Variants in PTPRG observed in about 807,000 individuals in gnomAD.
PTPRG encodes receptor-type tyrosine-protein phosphatase gamma.
A neutral mutation model predicts 165.3 loss-of-function variants in PTPRG; 102 were observed. The ratio of observed to expected loss-of-function variants is 0.62; its 90% CI spans 0.53 to 0.73. PTPRG has a LOEUF of 0.73. PTPRG is among the 30% of genes least tolerant of loss of function. The probability of loss-of-function intolerance (pLI) is 0.00; values close to 1 mark genes in which losing one functional copy is unlikely to be tolerated. For synonymous variants in PTPRG, 675 were observed against 669.5 expected (o/e 1.01, Z -0.13); for missense variants, 1,866 against 1,861.4 (o/e 1.00, Z -0.05).
Position 61,589,202 on chromosome 3 carries a change from T to C in PTPRG, c.85+26830T>C, listed in dbSNP as rs191945985. On this transcript the variant is annotated intron_variant, in intron 1 of 29. Transcript: ENST00000474889. Reference sequence around the variant, plus strand: ...TACCCATGCCCATATTTTATTGAAATAGCCGTATCTGTTTTTTTATGAACA... The same window carrying C: ...TACCCATGCCCATATTTTATTGAAACAGCCGTATCTGTTTTTTTATGAACA... 1.6e-4 allele frequency among the ~76,000 whole-genome samples: 24 copies of C among 152,332 alleles called. No individual in the cohort carries two copies. In the East Asian group the frequency reaches 4.6e-3, roughly 29 times the overall value.
At chr3:61,787,094 C>G (rs1194742408) in intron 2 of PTPRG, among the ~76,000 whole-genome samples, 1 of 151,924 alleles carries the variant, frequency 6.6e-6, no homozygotes, top group Non-Finnish European at 1.5e-5. Context: ...AAGCTGAATC[C>G]TTTGTGTGCC....
intron 2 of PTPRG, among the ~76,000 whole-genome samples, chr3:61,782,786 C>A (rs9849675): frequency 0.039 from 5,857 of 151,682 alleles, 288 homozygotes; most frequent in African/African-American, 0.12. Flanking sequence ...GGATGAGTAT[C>A]GTGTTTTGTT....
chr3:62,219,059 C>G lies in PTPRG; in HGVS notation c.2288+76C>G, dbSNP rs1433553794. The G allele has an allele frequency of 9.5e-5, 147 of 1,551,010 alleles. No homozygotes were observed. The highest frequency in any genetic ancestry group is 1.3e-4 in the Non-Finnish European group (144 of 1,140,512). Reference sequence around the variant, plus strand: ...GGTTTTGCTCACGGGAGGGGAATCCCACGGCCTCTGCATTCAGGAAGGTGA... The same window carrying G: ...GGTTTTGCTCACGGGAGGGGAATCCGACGGCCTCTGCATTCAGGAAGGTGA... On this transcript the variant is annotated intron_variant, in intron 13 of 29. Transcript: ENST00000474889. The surrounding 1 kb of genome is among the most constrained non-coding windows in gnomAD (Gnocchi z 4.5).
intron 2 of PTPRG, among the ~76,000 whole-genome samples, chr3:61,930,122 T>C (rs1480018142): frequency 1.3e-5 from 2 of 151,960 alleles, no homozygotes; most frequent in African/African-American, 4.8e-5. Context: ...AGTATAAGTA[T>C]TTATAGAGAA....
Position 61,756,199 on chromosome 3 carries a change from T to TA in PTPRG, c.190+7218dup, listed in dbSNP as rs576026447. Among the ~76,000 whole-genome samples the TA allele has an allele frequency of 2.6e-5, 4 of 152,360 alleles. No homozygotes were observed. The South Asian group carries it at 8.3e-4, about 32-fold the overall frequency. ...GTTATAGTGTTTTGTCTGCATTTCTTATGCCCTTTAGAGTTCATGCTCTTT... is the reference window on the plus strand; with the variant it reads ...GTTATAGTGTTTTGTCTGCATTTCTTAATGCCCTTTAGAGTTCATGCTCTTT... On this transcript the variant is annotated intron_variant, in intron 2 of 29. Transcript: ENST00000474889.
intron 1 of PTPRG, among the ~76,000 whole-genome samples, chr3:61,711,339 A>G (rs2031544696): frequency 1.3e-5 from 2 of 152,228 alleles, no homozygotes; most frequent in Admixed American, 1.3e-4. Context: ...TCCTTGAGTT[A>G]TCACAACACT....
Position 62,191,551 on chromosome 3 carries a change from T to C in PTPRG, c.1116T>C (p.Thr372=), listed in dbSNP as rs1576117094. The change falls in exon 9 of 30, where the codon ACT becomes ACC. Residue 372 remains threonine, a synonymous_variant. Coordinates refer to ENST00000474889, the MANE Select transcript of PTPRG (RefSeq NM_002841.4). ...AGGTGTCCTGGAGCCAGCCGGAGAC[T>C]ATCTACCACCCACCCATCATGAACT... The part of the protein sequence containing the change: ...ALQVSWSQPE[T]IYHPPIMNYM... 2 of 1,614,146 alleles carry C rather than the reference T, an allele frequency of 1.2e-6. No homozygotes were observed. Among genetic ancestry groups the C allele is most frequent in the Middle Eastern group, 1.6e-4 (1 of 6,062 alleles).
At chr3:62,289,500 CAAT>C (rs1244570229) in intron 28 of PTPRG, among the ~76,000 whole-genome samples, 2 of 151,948 alleles carry the variant, frequency 1.3e-5, no homozygotes, top group African/African-American at 4.8e-5. Flanking sequence ...GCAAAAATGA[CAAT>C]AAAAAGCTGT....
rs768781211 is a variant in PTPRG at position 62,203,344 on chromosome 3, G to A, written c.1549G>A (p.Ala517Thr). 13 of 1,613,142 alleles carry A rather than the reference G, an allele frequency of 8.1e-6. No homozygotes were observed. The highest frequency in any genetic ancestry group is 1.6e-4 in the Middle Eastern group (1 of 6,084). Residue 517 changes from alanine to threonine, a missense_variant, in exon 12 of 30, where the codon GCC (alanine) becomes ACC (threonine). By Grantham distance (58) the Ala-to-Thr change is moderately conservative. This residue lies in a region of PTPRG where 1,452 missense variants were observed against 1,463.0 expected (regional missense o/e 0.99). Coordinates refer to ENST00000474889, the MANE Select transcript of PTPRG (RefSeq NM_002841.4). The surrounding 1 kb of genome is among the most constrained non-coding windows in gnomAD (Gnocchi z 6.4). ...CTCGGTGGTCACCAGCACGCTGCTCGCCGGCCTGGGGTTCGGCGGTGGTGG... is the reference window on the plus strand; with the variant it reads ...CTCGGTGGTCACCAGCACGCTGCTCACCGGCCTGGGGTTCGGCGGTGGTGG... Reference protein sequence around the residue: ...VASVVTSTLLAGLGFGGGGIS... With the variant: ...VASVVTSTLLTGLGFGGGGIS...
chr3:61,953,621 G>A (rs936590224), intron 2 of PTPRG, among the ~76,000 whole-genome samples: 1 of 152,136 alleles, frequency 6.6e-6, no homozygotes, highest in African/African-American at 2.4e-5. Flanking sequence ...CACAGGCTGG[G>A]TTCCTTTCCT....
chr3:61,705,689 A>G (rs2106724484), intron 1 of PTPRG, among the ~76,000 whole-genome samples: 1 of 152,294 alleles, frequency 6.6e-6, no homozygotes, highest in South Asian at 2.1e-4. Flanking sequence ...ATGTCATCAT[A>G]GGCTGGTCCA....
At position 62,210,989 on chromosome 3, in the gene PTPRG, G is replaced by T. The variant is rs1264722386; in HGVS notation, c.2155+7039G>T. ...GATTAGCACCCCTAATGCCTATGTT[G>T]TTGGTGGGTTAACTGTATGCCCAAA... On this transcript the variant is annotated intron_variant, in intron 12 of 29. Transcript: ENST00000474889. The surrounding 1 kb of genome is among the most constrained non-coding windows in gnomAD (Gnocchi z 4.1). 6.6e-6 allele frequency among the ~76,000 whole-genome samples: 1 copy of T among 152,184 alleles called. No homozygotes were observed. Among genetic ancestry groups the T allele is most frequent in the East Asian group, 1.9e-4 (1 of 5,186 alleles).
intron 1 of PTPRG, among the ~76,000 whole-genome samples, chr3:61,646,322 G>T (rs1041172364): frequency 5.9e-5 from 9 of 152,172 alleles, no homozygotes; most frequent in Non-Finnish European, 2.9e-5. Flanking sequence ...TGTTGTCCAG[G>T]CTGGTCTCGA....
intron 2 of PTPRG, among the ~76,000 whole-genome samples, chr3:61,782,713 C>T (rs779545689): frequency 6.6e-6 from 1 of 152,122 alleles, no homozygotes; most frequent in Non-Finnish European, 1.5e-5. Context: ...ATTTTAGAAC[C>T]CTTCGTTTTA....
intron 2 of PTPRG, among the ~76,000 whole-genome samples, chr3:61,878,474 C>T (rs1389730775): frequency 6.6e-6 from 1 of 151,916 alleles, no homozygotes; most frequent in Non-Finnish European, 1.5e-5. Context: ...TGACATCTCC[C>T]CAGGTTGTTT....
intron 2 of PTPRG, among the ~76,000 whole-genome samples, chr3:61,864,581 G>T (rs796409447): frequency 1.3e-5 from 2 of 152,338 alleles, no homozygotes; most frequent in African/African-American, 2.4e-5. Flanking sequence ...AAACGATCAA[G>T]TTCAGCTTTG....
intron 4 of PTPRG, among the ~76,000 whole-genome samples, chr3:62,045,110 T>G (rs1008474502): frequency 6.6e-6 from 1 of 152,206 alleles, no homozygotes; most frequent in East Asian, 1.9e-4. Context: ...GAATGCTACC[T>G]TGTCTTAGCT....
chr3:62,196,019 A>T (rs1162592969), intron 10 of PTPRG, among the ~76,000 whole-genome samples: 1 of 150,088 alleles, frequency 6.7e-6, no homozygotes, highest in Non-Finnish European at 1.5e-5. Flanking sequence ...TGAACTCCTG[A>T]CTTCGTGATC....
rs960528258 is a variant in PTPRG at position 61,749,465 on chromosome 3, C to T, written c.190+483C>T. 6 of 247,646 alleles carry T rather than the reference C, an allele frequency of 2.4e-5. No individual in the cohort carries two copies. The South Asian group carries it at 2.6e-4, about 11-fold the overall frequency. 15.3% of individuals were successfully genotyped at this position (247,646 alleles called of 1,614,324 possible). The stretch of plus-strand genomic sequence containing the variant: ...TTTGAATATATTTTAGCTGTCTACT[C>T]GATGGTAATCTGCAGTCCTTTTCAT... On this transcript the variant is annotated intron_variant, in intron 2 of 29. Transcript: ENST00000474889.
Sources: gnomAD v4.1 joint callset for allele counts (sites outside exome capture counted in the v4.1 genomes callset) on GRCh38, gnomAD v4.1.1 for gene constraint, gnomAD v4.1.1 regional missense constraint, Gnocchi (gnomAD v3.1) non-coding constraint, MANE v1.5 for transcripts, NCBI Gene and HGNC (gene_info 2026-07-23, HGNC 2026-07-21) for gene names.